CTNNA3: variants seen among roughly 807,000 people sequenced by gnomAD.
CTNNA3 encodes catenin alpha 3.
A neutral mutation model predicts 95.7 loss-of-function variants in CTNNA3; 76 were observed. The ratio of observed to expected loss-of-function variants is 0.79; its 90% CI spans 0.66 to 0.96. The LOEUF is 0.96. Among genes scored for constraint, CTNNA3 ranks in the 40% least tolerant of loss-of-function variants. CTNNA3 has a pLI of 0.00. For missense variants in CTNNA3, 1,191 were observed against 1,089.8 expected (o/e 1.09, Z -1.31); for synonymous variants, 431 against 374.4 (o/e 1.15, Z -1.74).
At chr10:66,466,408 C>T (rs1838918957) in intron 11 of CTNNA3, among the ~76,000 whole-genome samples, 1 of 151,094 alleles carries the variant, frequency 6.6e-6, no homozygotes, top group South Asian at 2.1e-4. Flanking sequence ...AGAACTCCGA[C>T]CAATATACTT....
At chr10:66,300,624 C>A (rs1396146482) in intron 12 of CTNNA3, among the ~76,000 whole-genome samples, 1 of 151,128 alleles carries the variant, frequency 6.6e-6, no homozygotes, top group Non-Finnish European at 1.5e-5. Context: ...ATCTGTAATT[C>A]CAGTGAAATC....
Position 66,821,487 on chromosome 10 carries a change from T to G in CTNNA3, c.1048-45963A>C, listed in dbSNP as rs79357960. On this transcript the variant is annotated intron_variant, in intron 7 of 17. Coordinates refer to ENST00000433211, the MANE Select transcript of CTNNA3 (RefSeq NM_013266.4). The stretch of plus-strand genomic sequence containing the variant: ...AGATATAAACTGAGGAATCCAGGTA[T>G]TCAAGAATTCACCACAGCTGAAAAT... Among the ~76,000 whole-genome samples, 472 of 152,264 alleles carry G rather than the reference T, an allele frequency of 3.1e-3. 10 individuals are homozygous for G. Among genetic ancestry groups the G allele is most frequent in the Admixed American group, 0.028 (426 of 15,282 alleles).
chr10:66,327,729 G>A (rs1327022143), intron 12 of CTNNA3, among the ~76,000 whole-genome samples: 1 of 151,908 alleles, frequency 6.6e-6, no homozygotes, highest in Non-Finnish European at 1.5e-5. Context: ...TTGATATTTA[G>A]AAAGAGAGTG....
chr10:66,344,494 T>C (rs2092485790), intron 12 of CTNNA3, among the ~76,000 whole-genome samples: 1 of 151,876 alleles, frequency 6.6e-6, no homozygotes, highest in Non-Finnish European at 1.5e-5. Context: ...CTCGAACTCC[T>C]GACCTCAGGT....
intron 15 of CTNNA3, among the ~76,000 whole-genome samples, chr10:66,013,740 G>T (rs2133399973): frequency 6.6e-6 from 1 of 152,200 alleles, no homozygotes; most frequent in Middle Eastern, 3.4e-3. Context: ...ATACGACCAA[G>T]TTTTTTAGAT....
chr10:67,313,176 T>C (rs1203004187), intron 5 of CTNNA3, among the ~76,000 whole-genome samples: 1 of 151,924 alleles, frequency 6.6e-6, no homozygotes, highest in African/African-American at 2.4e-5. Flanking sequence ...AAATAAACTT[T>C]AGGTAATCCT....
intron 7 of CTNNA3, among the ~76,000 whole-genome samples, chr10:66,780,104 A>C (rs1164651354): frequency 6.6e-6 from 1 of 152,122 alleles, no homozygotes; most frequent in East Asian, 1.9e-4. Context: ...AGGTCCTTAA[A>C]GATTATTTGG....
intron 5 of CTNNA3, among the ~76,000 whole-genome samples, chr10:67,310,127 G>A (rs1840725441): frequency 6.6e-6 from 1 of 152,146 alleles, no homozygotes; most frequent in Non-Finnish European, 1.5e-5. Context: ...GATAAGGGAA[G>A]GCAAAGCTTA....
chr10:66,926,702 CTA>C (rs1036642785), intron 7 of CTNNA3: 40 of 1,260,010 alleles, frequency 3.2e-5, no homozygotes, highest in Admixed American at 3.1e-4. Flanking sequence ...TGCTCTAAGA[CTA>C]TGAATTTATT....
intron 5 of CTNNA3, among the ~76,000 whole-genome samples, chr10:67,500,269 A>G (rs1055815722): frequency 2.6e-5 from 4 of 152,132 alleles, no homozygotes; most frequent in Non-Finnish European, 4.4e-5. Flanking sequence ...CTGAGTTCTA[A>G]TTTGATTGCA....
intron 7 of CTNNA3, among the ~76,000 whole-genome samples, chr10:67,080,792 C>T (rs954818816): frequency 2.6e-5 from 4 of 151,936 alleles, no homozygotes; most frequent in Non-Finnish European, 5.9e-5. Context: ...GCCTGTGGTC[C>T]CAGCTACTCG....
intron 1 of CTNNA3, among the ~76,000 whole-genome samples, chr10:67,738,005 G>C (rs1215774586): frequency 6.6e-6 from 1 of 152,188 alleles, no homozygotes. Flanking sequence ...AGTAGGAGCA[G>C]GCTGCTATCT....
At chr10:67,344,571 T>C (rs1436127976) in intron 5 of CTNNA3, among the ~76,000 whole-genome samples, 1 of 152,132 alleles carries the variant, frequency 6.6e-6, no homozygotes, top group Non-Finnish European at 1.5e-5. Context: ...TGGTTCAATC[T>C]TGATAGGTTG....
At chr10:66,255,273 A>G (rs2132081893) in intron 13 of CTNNA3, among the ~76,000 whole-genome samples, 1 of 152,310 alleles carries the variant, frequency 6.6e-6, no homozygotes, top group Admixed American at 6.5e-5. Context: ...CAAAGGGAAA[A>G]GGGAGGTCAA....
At chr10:66,937,630 T>C (rs542452712) in intron 7 of CTNNA3, among the ~76,000 whole-genome samples, 1 of 152,222 alleles carries the variant, frequency 6.6e-6, no homozygotes, top group South Asian at 2.1e-4. Context: ...TGGTAGTACA[T>C]AAAACCAATG....
At chr10:67,584,258 C>A (rs1285343216) in intron 3 of CTNNA3, among the ~76,000 whole-genome samples, 1 of 152,138 alleles carries the variant, frequency 6.6e-6, no homozygotes, top group Admixed American at 6.5e-5. Flanking sequence ...TGTGGATGTC[C>A]TTTCTGTTTG....
chr10:66,203,672 A>T (rs1365838252), intron 13 of CTNNA3, among the ~76,000 whole-genome samples: 1 of 152,136 alleles, frequency 6.6e-6, no homozygotes, highest in Non-Finnish European at 1.5e-5. Flanking sequence ...AAATTTTATT[A>T]AAAATCATGT....
chr10:66,298,117 A>G (rs1418625830), intron 12 of CTNNA3, among the ~76,000 whole-genome samples: 2 of 152,222 alleles, frequency 1.3e-5, no homozygotes, highest in Admixed American at 6.5e-5. Flanking sequence ...TGAAAGCAGC[A>G]GCAGCACTGG....
At position 66,392,492 on chromosome 10, in the gene CTNNA3, C is replaced by G. The variant is rs146685277; in HGVS notation, c.1532-13140G>C. 5.3e-5 allele frequency among the ~76,000 whole-genome samples: 8 copies of G among 152,034 alleles called. No homozygotes were observed. In the East Asian group the frequency reaches 1.6e-3, roughly 30 times the overall value. ...CTGGAAGATAACATTTGCAAAACAC[C>G]TATCTGATGCACGACTGGTATCAAG... On this transcript the variant is annotated intron_variant, in intron 11 of 17. Coordinates refer to ENST00000433211, the MANE Select transcript of CTNNA3 (RefSeq NM_013266.4).
Sources: gnomAD v4.1 joint callset for allele counts (sites outside exome capture counted in the v4.1 genomes callset) on GRCh38, gnomAD v4.1.1 for gene constraint, MANE v1.5 for transcripts, NCBI Gene and HGNC (gene_info 2026-07-23, HGNC 2026-07-21) for gene names.